IL4R: variants seen among roughly 807,000 people sequenced by gnomAD.
The protein encoded by IL4R is interleukin 4 receptor, also known as interleukin-4 receptor subunit alpha.
Under a neutral mutation model 41.5 loss-of-function variants are expected in IL4R, and 17 were observed. That is an observed-to-expected ratio of 0.41 (90% CI 0.28 to 0.61). The LOEUF (loss-of-function observed/expected upper bound fraction) is 0.61. Among genes scored for constraint, IL4R ranks in the 20% least tolerant of loss-of-function variants. The pLI, the probability that IL4R is intolerant of heterozygous loss-of-function variation, is 0.31. For synonymous variants in IL4R, 402 were observed against 422.9 expected, an observed-to-expected ratio of 0.95 and a Z score of 0.61; for missense variants, 974 against 1,043.1, an observed-to-expected ratio of 0.93 and a Z score of 0.91.
Position 27,362,636 on chromosome 16 carries a change from G to T in IL4R, c.1284G>T (p.Gly428=), listed in dbSNP as rs151113305. ...ENGGFCQQDM[G]ESCLLPPSGS... is the part of the protein sequence containing the mutation. ...GGGGCTTTTGCCAGCAGGACATGGG[G>T]GAGTCATGCCTTCTTCCACCTTCGG... is the stretch of plus-strand genomic sequence containing the variant. The change falls in exon 11 of 11, where the codon GGG becomes GGT. Residue 428 remains glycine, a synonymous_variant. Coordinates refer to ENST00000395762, the MANE Select transcript of IL4R (RefSeq NM_000418.4). The T allele has an allele frequency of 6.2e-7, 1 of 1,614,018 alleles. No individual in the cohort carries two copies. The highest frequency in any genetic ancestry group is 1.3e-5 in the African/African-American group (1 of 74,898).
intron 1 of IL4R, among the ~76,000 whole-genome samples, chr16:27,322,022 T>C (rs1443448981): frequency 1.3e-5 from 2 of 152,130 alleles, no homozygotes; most frequent in Non-Finnish European, 2.9e-5. Context: ...GTATATTTTC[T>C]GTTGGGTATA....
intron 1 of IL4R, among the ~76,000 whole-genome samples, chr16:27,324,198 C>T (rs1051896721): frequency 6.6e-6 from 1 of 152,196 alleles, no homozygotes; most frequent in Non-Finnish European, 1.5e-5. Context: ...AGCACCCTGG[C>T]GCCAAGAGGC....
chr16:27,349,184 G>T (rs2085774954), intron 6 of IL4R, among the ~76,000 whole-genome samples: 2 of 152,330 alleles, frequency 1.3e-5, no homozygotes, highest in Non-Finnish European at 2.9e-5. Context: ...GGCACAATTG[G>T]CTTAGACTAA....
At chr16:27,354,399 G>A (rs951625349) in intron 7 of IL4R, among the ~76,000 whole-genome samples, 3 of 152,200 alleles carry the variant, frequency 2.0e-5, no homozygotes, top group Admixed American at 6.5e-5. Flanking sequence ...AGGCTGCTAC[G>A]AGAGAGTGTA....
chr16:27,330,523 A>G (rs2085085146), intron 2 of IL4R, among the ~76,000 whole-genome samples: 1 of 152,086 alleles, frequency 6.6e-6, no homozygotes, highest in Non-Finnish European at 1.5e-5. Flanking sequence ...GATATAAGCT[A>G]CTGACCTTAT....
At chr16:27,339,607 T>G (rs1284406084) in intron 2 of IL4R, among the ~76,000 whole-genome samples, 1 of 152,062 alleles carries the variant, frequency 6.6e-6, no homozygotes, top group East Asian at 1.9e-4. Flanking sequence ...GAAACATGTG[T>G]AGAGGGTTGT....
intron 1 of IL4R, 129 bp downstream of exon 1, chr16:27,314,149 C>T (rs1169683592): frequency 2.1e-6 from 2 of 965,214 alleles, no homozygotes; most frequent in African/African-American, 3.5e-5. Context: ...GAGCGGGGCC[C>T]GAGCCCGCGA....
rs2141230410 is a variant in IL4R at position 27,363,597 on chromosome 16, G to A, written c.2245G>A (p.Gly749Arg). 1 of 1,614,054 alleles carries A rather than the reference G, an allele frequency of 6.2e-7. No individual in the cohort carries two copies. Among genetic ancestry groups the A allele is most frequent in the Non-Finnish European group, 8.5e-7 (1 of 1,180,014 alleles). ...CAGTCCTTGCTGTGGCTGCTGCTGTGGAGACAGGTCCTCGCCCCCTACAAC... is the reference window on the plus strand; with the variant it reads ...CAGTCCTTGCTGTGGCTGCTGCTGTAGAGACAGGTCCTCGCCCCCTACAAC... ...MASPCCGCCC[G>R]DRSSPPTTPL... The change falls in exon 11 of 11, where the codon GGA (glycine) becomes AGA (arginine). Residue 749 changes from glycine (G) to arginine (R), a missense_variant. By Grantham distance (125) the Gly-to-Arg change is moderately radical. Around this residue, in one of 3 missense-constraint regions of IL4R, gnomAD observed 682 missense variants for 704.3 expected, o/e 0.97. Coordinates refer to ENST00000395762, the MANE Select transcript of IL4R (RefSeq NM_000418.4).
chr16:27,342,335 G>A, intron 4 of IL4R, 76 bp downstream of exon 4: 1 of 1,567,808 alleles, frequency 6.4e-7, no homozygotes, highest in Non-Finnish European at 8.8e-7. Context: ...CTGGGTCCAG[G>A]TGGTGCGCTG....
chr16:27,316,906 CTT>C (rs34508839), intron 1 of IL4R, among the ~76,000 whole-genome samples: 5 of 145,730 alleles, frequency 3.4e-5, no homozygotes, highest in African/African-American at 5.1e-5. Flanking sequence ...AAATGAATAC[CTT>C]TTTTTTTTTT....
chr16:27,314,470 C>T (rs1026305521), intron 1 of IL4R, among the ~76,000 whole-genome samples: 2 of 152,262 alleles, frequency 1.3e-5, no homozygotes, highest in Non-Finnish European at 2.9e-5. Flanking sequence ...GGGGCGGTCT[C>T]CGCCTCCGAA....
Position 27,346,695 on chromosome 16 carries a change from G to T in IL4R, c.513+77G>T, listed in dbSNP as rs1428353084. ...GTGACCAGCAGAGGCCCAGTCCCTG[G>T]AGCCAGGAGCCTGGGAGGCAAGCCC... On this transcript the variant is annotated intron_variant, in intron 6 of 10. Transcript: ENST00000395762. 5 of 1,508,228 alleles carry T rather than the reference G, an allele frequency of 3.3e-6. No homozygotes were observed. The African/African-American group carries it at 6.9e-5, about 21-fold the overall frequency. 93.4% of individuals were successfully genotyped at this position (1,508,228 alleles called of 1,614,324 possible).
intron 4 of IL4R, 37 bp from the exon 5 acceptor site, chr16:27,344,832 A>G (rs1395475488): frequency 6.2e-7 from 1 of 1,610,742 alleles, no homozygotes; most frequent in Non-Finnish European, 8.5e-7. Flanking sequence ...CAGCCAGCCT[A>G]CAGGTGACCA....
At position 27,362,591 on chromosome 16, in the gene IL4R, C is replaced by T; in HGVS notation, c.1239C>T (p.Asp413=). 1 of 1,614,174 alleles carries T rather than the reference C, an allele frequency of 6.2e-7. No individual in the cohort carries two copies. Among genetic ancestry groups the T allele is most frequent in the Non-Finnish European group, 8.5e-7 (1 of 1,180,028 alleles). ...VARLTESLFL[D]LLGEENGGFC... ...GGCTAACAGAGAGCCTGTTCCTGGA[C>T]CTGCTCGGAGAGGAGAATGGGGGCT... Residue 413 remains aspartate, a synonymous_variant, in exon 11 of 11, where the codon GAC becomes GAT. Coordinates refer to ENST00000395762, the MANE Select transcript of IL4R (RefSeq NM_000418.4).
chr16:27,354,993 G>A (rs1470159180), intron 7 of IL4R: 1 of 467,786 alleles, frequency 2.1e-6, no homozygotes, highest in South Asian at 1.6e-5. Flanking sequence ...AGATAACAAT[G>A]TATGGGACCC....
chr16:27,353,673 A>G (rs2085955401), intron 7 of IL4R, among the ~76,000 whole-genome samples: 1 of 152,058 alleles, frequency 6.6e-6, no homozygotes, highest in Admixed American at 6.6e-5. Context: ...TTAAAATTTT[A>G]AAATAAATAG....
In IL4R at chr16:27,352,564, C is replaced by G. The variant is rs142568569; in HGVS notation, c.538C>G (p.Leu180Val). 1.9e-6 allele frequency: 3 copies of G among 1,614,172 alleles called. No individual in the cohort carries two copies. The stretch of plus-strand genomic sequence containing the variant: ...GTTCAGAATCTATAACGTGACCTAC[C>G]TAGAACCCTCCCTCCGCATCGCAGC... ...ADFRIYNVTY[L>V]EPSLRIAAST... The change falls in exon 7 of 11, where the codon CTA becomes GTA. Residue 180 changes from leucine (L) to valine (V), a missense_variant. Leu to Val is a conservative substitution (Grantham distance 32). This residue lies in a region of IL4R where 284 missense variants were observed against 313.4 expected (regional missense o/e 0.91). Transcript: ENST00000395762.
intron 5 of IL4R, among the ~76,000 whole-genome samples, chr16:27,346,049 C>T (rs188717236): frequency 2.2e-4 from 34 of 151,848 alleles, no homozygotes; most frequent in Admixed American, 2.0e-3. Context: ...ATACACTTTG[C>T]CTTCACTGTA....
chr16:27,314,015 G>A lies in IL4R; in HGVS notation c.-157G>A. On this transcript the variant is annotated 5_prime_UTR_variant, in exon 1 of 11. Coordinates refer to ENST00000395762, the MANE Select transcript of IL4R (RefSeq NM_000418.4). ...CCCGGACGGCGAATGGAGCAGGGGCGCGCAGGTAGGATCCGGGGCCCGCGC... is the reference window on the plus strand; with the variant it reads ...CCCGGACGGCGAATGGAGCAGGGGCACGCAGGTAGGATCCGGGGCCCGCGC... 1.0e-6 allele frequency: 1 copy of A among 984,934 alleles called. No individual in the cohort carries two copies. Among genetic ancestry groups the A allele is most frequent in the South Asian group, 4.7e-5 (1 of 21,284 alleles). 61.0% of individuals were successfully genotyped at this position (984,934 alleles called of 1,614,324 possible). A position where few individuals can be genotyped will look rare whatever the true frequency, so the allele number is the denominator to read the frequency against.
Sources: allele counts gnomAD v4.1 joint callset (sites outside exome capture counted in the v4.1 genomes callset), GRCh38; gene constraint gnomAD v4.1.1; regional missense constraint gnomAD v4.1.1; transcripts MANE v1.5; gene names NCBI Gene and HGNC (gene_info 2026-07-23, HGNC 2026-07-21).